Variants in HOMER1 observed in about 807,000 individuals in gnomAD.
HOMER1 encodes homer scaffold protein 1, also known as homer protein homolog 1.
A neutral mutation model predicts 48.9 loss-of-function variants in HOMER1; 3 were observed. The ratio of observed to expected loss-of-function variants is 0.06; its 90% CI spans 0.03 to 0.16. The LOEUF is 0.16. HOMER1 is among the 10% of genes least tolerant of loss of function. The pLI, the probability that HOMER1 is intolerant of heterozygous loss-of-function variation, is 1.00. For missense variants in HOMER1, 247 were observed against 411.4 expected (o/e 0.60, Z 3.46); for synonymous variants, 134 against 146.4 (o/e 0.92, Z 0.61).
rs1020041624 is a variant in HOMER1 at position 79,430,433 on chromosome 5, A to G, written c.527+8577T>C. Among the ~76,000 whole-genome samples the G allele has an allele frequency of 5.3e-5, 8 of 152,366 alleles. No homozygotes were observed. The East Asian group carries it at 1.5e-3, about 29-fold the overall frequency. On this transcript the variant is annotated intron_variant, in intron 5 of 8. Coordinates refer to ENST00000334082, the MANE Select transcript of HOMER1 (RefSeq NM_004272.5). ...TATATATCTGCTAGTGGGAATGCAA[A>G]ATGGCACAGCTGCTTTGCAGTTCCT... is the stretch of plus-strand genomic sequence containing the variant.
chr5:79,451,032 G>A lies in HOMER1; in HGVS notation c.252C>T (p.Thr84=), dbSNP rs1032963934. Residue 84 remains threonine, a synonymous_variant, in exon 3 of 9, where the codon ACC becomes ACT. Coordinates refer to ENST00000334082, the MANE Select transcript of HOMER1 (RefSeq NM_004272.5). ...FGQWADSRAN[T]VYGLGFSSEH... is the part of the protein sequence containing the mutation. Reference sequence around the variant, plus strand: ...CAGAGGAGAATCCCAATCCATAAACGGTGTTTGCCCGGCTATCAGCCCACT... The same window carrying A: ...CAGAGGAGAATCCCAATCCATAAACAGTGTTTGCCCGGCTATCAGCCCACT... The A allele has an allele frequency of 1.3e-5, 21 of 1,613,506 alleles. No homozygotes were observed. Among genetic ancestry groups the A allele is most frequent in the Middle Eastern group, 1.6e-4 (1 of 6,082 alleles).
chr5:79,376,901 T>C (rs1481351572), intron 8 of HOMER1, among the ~76,000 whole-genome samples: 1 of 152,238 alleles, frequency 6.6e-6, no homozygotes, highest in African/African-American at 2.4e-5. Context: ...TGATTTGTTT[T>C]TGACAGAATA....
At chr5:79,465,753 C>A (rs1751447428) in intron 1 of HOMER1, among the ~76,000 whole-genome samples, 2 of 151,874 alleles carry the variant, frequency 1.3e-5, no homozygotes, top group Admixed American at 1.3e-4. Flanking sequence ...TCACCACACC[C>A]TGCTAATTTT....
rs987669054 is a variant in HOMER1, at chr5:79,437,671, T to C, written c.527+1339A>G. Among the ~76,000 whole-genome samples the C allele has an allele frequency of 5.9e-5, 9 of 152,308 alleles. No individual in the cohort carries two copies. In the East Asian group the frequency reaches 1.5e-3, roughly 26 times the overall value. On this transcript the variant is annotated intron_variant, in intron 5 of 8. Coordinates refer to ENST00000334082, the MANE Select transcript of HOMER1 (RefSeq NM_004272.5). ...CTAAACAAACCTTTTTTGTTTTTTATAGACAAGGTCTTACTCTGTCACTCA... is the reference window on the plus strand; with the variant it reads ...CTAAACAAACCTTTTTTGTTTTTTACAGACAAGGTCTTACTCTGTCACTCA...
intron 1 of HOMER1, among the ~76,000 whole-genome samples, chr5:79,460,190 C>T (rs966027149): frequency 1.1e-4 from 17 of 152,040 alleles, no homozygotes; most frequent in African/African-American, 4.1e-4. Flanking sequence ...ATCTGGGCCA[C>T]GTGTGGTGGC....
At chr5:79,398,712 G>A (rs1205724271) in intron 6 of HOMER1, among the ~76,000 whole-genome samples, 2 of 151,884 alleles carry the variant, frequency 1.3e-5, no homozygotes, top group South Asian at 2.1e-4. Flanking sequence ...AGATCTAAAC[G>A]CTCAGATCCT....
intron 5 of HOMER1, among the ~76,000 whole-genome samples, chr5:79,412,165 T>G (rs1427258270): frequency 2.0e-5 from 3 of 152,070 alleles, no homozygotes; most frequent in Non-Finnish European, 4.4e-5. Context: ...TAGGTTGCAG[T>G]AGGTTTTTTT....
intron 1 of HOMER1, among the ~76,000 whole-genome samples, chr5:79,484,952 CAACAACAGCT>C (rs1191370060): frequency 6.6e-6 from 1 of 151,440 alleles, no homozygotes; most frequent in African/African-American, 2.4e-5. Context: ...TTCCTGAGGC[CAACAACAGCT>C]GTTCTCTTTG....
At chr5:79,462,753 G>A (rs1751348728) in intron 1 of HOMER1, among the ~76,000 whole-genome samples, 1 of 152,104 alleles carries the variant, frequency 6.6e-6, no homozygotes, top group Non-Finnish European at 1.5e-5. Flanking sequence ...AATCAATGAT[G>A]ATGCTGTTTT....
At chr5:79,510,298 A>C in intron 1 of HOMER1, 1 of 370,700 alleles carries the variant, frequency 2.7e-6, no homozygotes, top group Non-Finnish European at 5.1e-6. Context: ...TAAACAAATT[A>C]ATTATGCTAA....
intron 1 of HOMER1, among the ~76,000 whole-genome samples, chr5:79,508,579 C>T (rs1203767999): frequency 6.6e-6 from 1 of 152,196 alleles, no homozygotes; most frequent in Non-Finnish European, 1.5e-5. Flanking sequence ...ATGCCAAACT[C>T]CTTTGCAGTT....
intron 5 of HOMER1, among the ~76,000 whole-genome samples, chr5:79,404,620 G>T (rs1047417934): frequency 6.6e-6 from 1 of 152,160 alleles, no homozygotes; most frequent in African/African-American, 2.4e-5. Flanking sequence ...ACCCTGGACA[G>T]CAAAGATAAC....
chr5:79,451,014 G>A lies in HOMER1; in HGVS notation c.270C>T (p.Phe90=), dbSNP rs761885690. The A allele has an allele frequency of 2.5e-6, 4 of 1,613,768 alleles. No homozygotes were observed. Among genetic ancestry groups the A allele is most frequent in the Admixed American group, 1.7e-5 (1 of 59,998 alleles). ...SRANTVYGLG[F]SSEHHLSKFA... is the part of the protein sequence containing the mutation. ...CTTTCGAAAGATGATGCTCAGAGGA[G>A]AATCCCAATCCATAAACGGTGTTTG... The change falls in exon 3 of 9, where the codon TTC becomes TTT. Residue 90 remains phenylalanine (F), a synonymous_variant. Transcript: ENST00000334082.
At chr5:79,478,294 T>C (rs1751841365) in intron 1 of HOMER1, among the ~76,000 whole-genome samples, 1 of 152,214 alleles carries the variant, frequency 6.6e-6, no homozygotes, top group Non-Finnish European at 1.5e-5. Flanking sequence ...GGTGTTCAGA[T>C]TATAGAAGGA....
At chr5:79,475,984 T>C (rs1561378538) in intron 1 of HOMER1, among the ~76,000 whole-genome samples, 1 of 152,216 alleles carries the variant, frequency 6.6e-6, no homozygotes, top group Non-Finnish European at 1.5e-5. Context: ...TATGAAGATA[T>C]ATCAATAACT....
chr5:79,511,663 C>T (rs1477826851), intron 1 of HOMER1, among the ~76,000 whole-genome samples: 1 of 152,200 alleles, frequency 6.6e-6, no homozygotes, highest in Non-Finnish European at 1.5e-5. Flanking sequence ...ATAACTTTGT[C>T]ATTAATTTCT....
At chr5:79,489,891 T>C (rs1311748071) in intron 1 of HOMER1, among the ~76,000 whole-genome samples, 2 of 152,288 alleles carry the variant, frequency 1.3e-5, no homozygotes, top group Admixed American at 6.5e-5. Flanking sequence ...CTCCAGAGAT[T>C]CCCAAGATCT....
chr5:79,450,728 T>A (rs1388429378), intron 3 of HOMER1, among the ~76,000 whole-genome samples: 2 of 152,188 alleles, frequency 1.3e-5, no homozygotes, highest in Non-Finnish European at 2.9e-5. Context: ...GAAGTGATAA[T>A]CCCCACCTTT....
At chr5:79,425,634 C>T (rs748000069) in intron 5 of HOMER1, among the ~76,000 whole-genome samples, 13 of 151,964 alleles carry the variant, frequency 8.6e-5, no homozygotes, top group Non-Finnish European at 1.3e-4. Context: ...GTAATAATGA[C>T]AGAACAGTTT....
Sources: allele counts gnomAD v4.1 joint callset (sites outside exome capture counted in the v4.1 genomes callset), GRCh38; gene constraint gnomAD v4.1.1; transcripts MANE v1.5; gene names NCBI Gene and HGNC (gene_info 2026-07-23, HGNC 2026-07-21).